The following PCNX4 variants were observed in gnomAD, a reference collection of about 807,000 sequenced individuals.
The protein encoded by PCNX4 is pecanex-like protein 4.
Under a neutral mutation model 107.2 loss-of-function variants are expected in PCNX4, and 103 were observed. That is an observed-to-expected ratio of 0.96 (90% CI 0.82 to 1.13). The LOEUF (loss-of-function observed/expected upper bound fraction) is 1.13. PCNX4 is among the 50% of genes most tolerant of loss of function. The probability of loss-of-function intolerance (pLI) is 0.00; values close to 1 mark genes in which losing one functional copy is unlikely to be tolerated. For synonymous variants in PCNX4, 541 were observed against 481.7 expected, an observed-to-expected ratio of 1.12 and a Z score of -1.61; for missense variants, 1,528 against 1,379.4, an observed-to-expected ratio of 1.11 and a Z score of -1.71.
At position 60,115,995 on chromosome 14, in the gene PCNX4, C is replaced by T. The variant is rs1002868680; in HGVS notation, c.1513C>T (p.His505Tyr). ...LLETVIVSTV[H>Y]LISSTDIWWN... ...GGAGACAGTCATTGTATCAACAGTA[C>T]ACTTGATCTCCAGTACAGACATATG... is the stretch of plus-strand genomic sequence containing the variant. Residue 505 changes from histidine to tyrosine, a missense_variant, in exon 6 of 11, where the codon CAC (histidine) becomes TAC (tyrosine). Coordinates refer to ENST00000406854, the MANE Select transcript of PCNX4 (RefSeq NM_001330177.2). 2 of 1,612,590 alleles carry T rather than the reference C, an allele frequency of 1.2e-6. No homozygotes were observed. Among genetic ancestry groups the T allele is most frequent in the African/African-American group, 2.7e-5 (2 of 74,900 alleles).
In PCNX4 at chr14:60,148,102, C is replaced by G. The variant is rs1306772252; in HGVS notation, c.*13881C>G. The G allele has an allele frequency of 6.6e-6, 1 of 152,174 alleles. No individual in the cohort carries two copies. Among genetic ancestry groups the G allele is most frequent in the Non-Finnish European group, 1.5e-5 (1 of 68,024 alleles). 9.4% of individuals were successfully genotyped at this position (152,174 alleles called of 1,614,324 possible). ...TCACACTCTGGACATTTTAGTGTGT[C>G]ATGACCCAGTCTGATAACCTTTTAT... On this transcript the variant is annotated 3_prime_UTR_variant, in exon 11 of 11. Transcript: ENST00000406854. The surrounding 1 kb of genome is among the most constrained non-coding windows in gnomAD (Gnocchi z 4.8).
At chr14:60,104,083 G>A (rs1895583849) in intron 1 of PCNX4, among the ~76,000 whole-genome samples, 1 of 152,084 alleles carries the variant, frequency 6.6e-6, no homozygotes, top group Admixed American at 6.6e-5. Context: ...CATTTTGAGA[G>A]GCCGAGGCGG....
rs1340839143 is a variant in PCNX4, at chr14:60,114,431, C to A, written c.690-269C>A. Among the ~76,000 whole-genome samples the A allele has an allele frequency of 2.6e-5, 4 of 152,204 alleles. No individual in the cohort carries two copies. The East Asian group carries it at 7.7e-4, about 29-fold the overall frequency. On this transcript the variant is annotated intron_variant, in intron 2 of 10. Coordinates refer to ENST00000406854, the MANE Select transcript of PCNX4 (RefSeq NM_001330177.2). ...ACTCAGTGATGGCTTTTAATTACTT[C>A]CTCCTCCTTTGCACATTTGAATTAA...
intron 1 of PCNX4, among the ~76,000 whole-genome samples, chr14:60,102,516 G>T (rs576279288): frequency 1.3e-5 from 2 of 152,186 alleles, no homozygotes; most frequent in South Asian, 2.1e-4. Context: ...ATTGATCTCT[G>T]TTTCTTACTC....
At position 60,135,383 on chromosome 14, in the gene PCNX4, T is replaced by G. The variant is rs1896226519; in HGVS notation, c.*1162T>G. 1 of 152,176 alleles carries G rather than the reference T, an allele frequency of 6.6e-6. No individual in the cohort carries two copies. The highest frequency in any genetic ancestry group is 1.5e-5 in the Non-Finnish European group (1 of 68,028). 9.4% of individuals were successfully genotyped at this position (152,176 alleles called of 1,614,324 possible). The stretch of plus-strand genomic sequence containing the variant: ...ATTCAAGAGATTTGTATGTTATTCT[T>G]TTTTTGGAGGTAATATAGTACAGTT... On this transcript the variant is annotated 3_prime_UTR_variant, in exon 11 of 11. Transcript: ENST00000406854.
At position 60,115,838 on chromosome 14, in the gene PCNX4, T is replaced by C; in HGVS notation, c.1458+19T>C. 6.3e-7 allele frequency: 1 copy of C among 1,599,198 alleles called. No individual in the cohort carries two copies. The highest frequency in any genetic ancestry group is 8.6e-7 in the Non-Finnish European group (1 of 1,169,538). On this transcript the variant is annotated intron_variant, in intron 5 of 10. Transcript: ENST00000406854. Reference sequence around the variant, plus strand: ...TAGAATGGTAATCCTAATATGTGTTTAATAGTATTTTCCTATTGCTAAGTT... The same window carrying C: ...TAGAATGGTAATCCTAATATGTGTTCAATAGTATTTTCCTATTGCTAAGTT...
intron 1 of PCNX4, among the ~76,000 whole-genome samples, chr14:60,107,003 T>A (rs1168668938): frequency 6.6e-6 from 1 of 152,244 alleles, no homozygotes; most frequent in Non-Finnish European, 1.5e-5. Flanking sequence ...TTGAACGTTC[T>A]GTTGACCTCA....
rs139596874 is a variant in PCNX4, at chr14:60,124,427, C to T, written c.2256C>T (p.Asn752=). The change falls in exon 9 of 11, where the codon AAC becomes AAT. Residue 752 remains asparagine, a synonymous_variant. Coordinates refer to ENST00000406854, the MANE Select transcript of PCNX4 (RefSeq NM_001330177.2). ...VLSGIIDSHE[N]LKEFKGDLIK... ...CAGGCATAATTGATTCTCATGAAAACTTAAAAGAATTTAAAGGTGACCTCA... is the reference window on the plus strand; with the variant it reads ...CAGGCATAATTGATTCTCATGAAAATTTAAAAGAATTTAAAGGTGACCTCA... 3 of 1,613,418 alleles carry T rather than the reference C, an allele frequency of 1.9e-6. No individual in the cohort carries two copies. The highest frequency in any genetic ancestry group is 2.2e-5 in the East Asian group (1 of 44,872).
rs1348137503 is a variant in PCNX4 at position 60,138,835 on chromosome 14, AAT to A, written c.*4616_*4617del. The A allele has an allele frequency of 2.0e-5, 3 of 152,306 alleles. No homozygotes were observed. The highest frequency in any genetic ancestry group is 6.5e-5 in the Admixed American group (1 of 15,300). The allele number at this position is 152,306 out of a possible 1,614,324, so 9.4% of individuals were successfully genotyped here. Reference sequence around the variant, plus strand: ...GTTTAAGTGAATATTAACTATATAAAATAGTCTTCGAGGTTAAAATAAATAAT... The same window carrying A: ...GTTTAAGTGAATATTAACTATATAAAAGTCTTCGAGGTTAAAATAAATAAT... On this transcript the variant is annotated 3_prime_UTR_variant, in exon 11 of 11. Coordinates refer to ENST00000406854, the MANE Select transcript of PCNX4 (RefSeq NM_001330177.2).
chr14:60,132,729 A>G (rs759746376), intron 10 of PCNX4, among the ~76,000 whole-genome samples: 1 of 152,062 alleles, frequency 6.6e-6, no homozygotes, highest in Non-Finnish European at 1.5e-5. Context: ...ACTAGAATAT[A>G]TAAAAAAAAA....
Position 60,124,887 on chromosome 14 carries a change from C to T in PCNX4, c.2716C>T (p.His906Tyr), listed in dbSNP as rs1200039199. Residue 906 changes from histidine to tyrosine, a missense_variant, in exon 9 of 11, where the codon CAT becomes TAT. Physicochemically the swap from His to Tyr is moderately conservative, Grantham distance 83 (BLOSUM62 2). Transcript: ENST00000406854. ...YIPLMEFSCS[H>Y]SHLVCLPAEW... ...TCCTCTCATGGAGTTCAGTTGTTCA[C>T]ATTCTCACTTAGTATGCTTACCCGC... is the stretch of plus-strand genomic sequence containing the variant. The T allele has an allele frequency of 1.9e-6, 3 of 1,613,714 alleles. No homozygotes were observed. The highest frequency in any genetic ancestry group is 2.5e-6 in the Non-Finnish European group (3 of 1,179,786).
At chr14:60,123,614 G>C (rs1895994496) in intron 8 of PCNX4, among the ~76,000 whole-genome samples, 2 of 152,106 alleles carry the variant, frequency 1.3e-5, no homozygotes, top group African/African-American at 4.8e-5. Flanking sequence ...ATTTATGTAA[G>C]GATATATTGA....
intron 7 of PCNX4, 35 bp from the exon 8 acceptor site, chr14:60,121,161 C>CTTT (rs747483127): frequency 1.1e-3 from 1,202 of 1,101,182 alleles, no homozygotes; most frequent in South Asian, 1.7e-3. Context: ...AAATGATTTT[C>CTTT]TTTTTTTTTT....
At chr14:60,092,532 T>A (rs1895324027) in intron 1 of PCNX4, 113 bp downstream of exon 1, 1 of 152,292 alleles carries the variant, frequency 6.6e-6, no homozygotes, top group Non-Finnish European at 1.5e-5. Context: ...AAACATATTT[T>A]TCGTTTTTCG....
chr14:60,097,662 G>A (rs762248140), intron 1 of PCNX4, among the ~76,000 whole-genome samples: 1 of 152,160 alleles, frequency 6.6e-6, no homozygotes, highest in Non-Finnish European at 1.5e-5. Flanking sequence ...GGTCTAAAAA[G>A]CTAAGGGAAT....
intron 7 of PCNX4, among the ~76,000 whole-genome samples, chr14:60,120,720 A>G (rs1895937745): frequency 6.6e-6 from 1 of 152,232 alleles, no homozygotes; most frequent in South Asian, 2.1e-4. Flanking sequence ...AATCTCATTA[A>G]TAAAAGTATT....
Position 60,147,446 on chromosome 14 carries a change from A to G in PCNX4, c.*13225A>G, listed in dbSNP as rs1332529642. The G allele has an allele frequency of 6.6e-6, 1 of 152,198 alleles. No individual in the cohort carries two copies. Among genetic ancestry groups the G allele is most frequent in the African/African-American group, 2.4e-5 (1 of 41,444 alleles). 9.4% of individuals were successfully genotyped at this position (152,198 alleles called of 1,614,324 possible). ...ATGTATTAATTAGCTTGATTGTGGTAATCATTTTACAGTGTATATTAGATC... is the reference window on the plus strand; with the variant it reads ...ATGTATTAATTAGCTTGATTGTGGTGATCATTTTACAGTGTATATTAGATC... On this transcript the variant is annotated 3_prime_UTR_variant, in exon 11 of 11. Coordinates refer to ENST00000406854, the MANE Select transcript of PCNX4 (RefSeq NM_001330177.2).
chr14:60,108,536 T>TAA, intron 2 of PCNX4: 1 of 378,832 alleles, frequency 2.6e-6, no homozygotes, highest in Non-Finnish European at 4.8e-6. Flanking sequence ...AGAGTTTTTT[T>TAA]AAAAAACCCT....
chr14:60,124,755 G>A lies in PCNX4; in HGVS notation c.2584G>A (p.Val862Ile). ...TCCAGGATCAGTAGAATCACAGAGG[G>A]TTGGTGATCATTCTACAGGCACTGT... ...FIPGSVESQRVGDHSTGTVPE... is the reference protein window; with the variant it reads ...FIPGSVESQRIGDHSTGTVPE... The change falls in exon 9 of 11, where the codon GTT becomes ATT. Residue 862 changes from valine (V) to isoleucine (I), a missense_variant. Coordinates refer to ENST00000406854, the MANE Select transcript of PCNX4 (RefSeq NM_001330177.2). 1.2e-6 allele frequency: 2 copies of A among 1,613,170 alleles called. No individual in the cohort carries two copies. The highest frequency in any genetic ancestry group is 8.5e-7 in the Non-Finnish European group (1 of 1,179,782).
Sources: allele counts gnomAD v4.1 joint callset (sites outside exome capture counted in the v4.1 genomes callset), GRCh38; gene constraint gnomAD v4.1.1; non-coding constraint Gnocchi (gnomAD v3.1); transcripts MANE v1.5; gene names NCBI Gene and HGNC (gene_info 2026-07-23, HGNC 2026-07-21).